Variants in CTNNA2 observed in about 807,000 individuals in gnomAD.
CTNNA2 encodes the protein catenin alpha 2.
In CTNNA2, 42 loss-of-function variants were observed where a neutral mutation model predicts 101.0. That is an observed-to-expected ratio of 0.42 (90% confidence interval 0.32 to 0.54). CTNNA2 has a LOEUF of 0.54. Among genes scored for constraint, CTNNA2 ranks in the 20% least tolerant of loss-of-function variants. The pLI is 0.14. For missense variants in CTNNA2, 871 were observed against 1,223.1 expected, an observed-to-expected ratio of 0.71 and a Z score of 4.29; for synonymous variants, 450 against 456.4, an observed-to-expected ratio of 0.99 and a Z score of 0.18.
intron 2 of CTNNA2, among the ~76,000 whole-genome samples, chr2:79,289,808 C>T (rs1675745156): frequency 6.6e-6 from 1 of 152,136 alleles, no homozygotes. Flanking sequence ...CCTTAATGTT[C>T]CTGTTTACCA....
rs373994069 is a variant in CTNNA2 at position 79,336,107 on chromosome 2, T to C, written c.-318+23311T>C. Among the ~76,000 whole-genome samples, 131 of 152,342 alleles carry C rather than the reference T, an allele frequency of 8.6e-4. 3 individuals are homozygous for C. The South Asian group carries it at 0.027, about 31-fold the overall frequency. On this transcript the variant is annotated intron_variant, in intron 3 of 21. Coordinates refer to the CTNNA2 transcript ENST00000466387. ...TTTTTCTTTTTAGTCATGAGGAATATGCATTATGTTTAGAATGGAATTAGG... is the reference window on the plus strand; with the variant it reads ...TTTTTCTTTTTAGTCATGAGGAATACGCATTATGTTTAGAATGGAATTAGG...
chr2:80,362,365 T>C (rs1019238217), intron 7 of CTNNA2, among the ~76,000 whole-genome samples: 2 of 152,074 alleles, frequency 1.3e-5, no homozygotes, highest in Non-Finnish European at 2.9e-5. Flanking sequence ...GAGAGGTCTC[T>C]TCTCTATTTT....
intron 2 of CTNNA2, among the ~76,000 whole-genome samples, chr2:79,291,955 A>G (rs1356553653): frequency 6.6e-6 from 1 of 151,860 alleles, no homozygotes; most frequent in East Asian, 1.9e-4. Context: ...ATTGAGGGGG[A>G]TGTTTGCAAG....
chr2:80,560,576 G>A (rs568761185), intron 12 of CTNNA2, among the ~76,000 whole-genome samples: 1 of 152,204 alleles, frequency 6.6e-6, no homozygotes, highest in Admixed American at 6.5e-5. Flanking sequence ...TGAGTCCCCT[G>A]TATAAACCCT....
chr2:79,466,026 C>T (rs375561151), intron 4 of CTNNA2, among the ~76,000 whole-genome samples: 6 of 152,186 alleles, frequency 3.9e-5, no homozygotes, highest in East Asian at 1.9e-4. Context: ...TGGGGCTTGT[C>T]GGACAGTGGG....
At chr2:79,514,406 G>A (rs1671695832) in intron 1 of CTNNA2, among the ~76,000 whole-genome samples, 2 of 152,322 alleles carry the variant, frequency 1.3e-5, no homozygotes, top group Middle Eastern at 3.4e-3. Context: ...GAAACATGCT[G>A]TGTGATTCTG....
At chr2:79,239,152 G>A (rs562119601) in intron 2 of CTNNA2, among the ~76,000 whole-genome samples, 2 of 152,026 alleles carry the variant, frequency 1.3e-5, no homozygotes, top group Admixed American at 6.6e-5. Context: ...AGCTCATATA[G>A]CCAAGACAAT....
intron 7 of CTNNA2, among the ~76,000 whole-genome samples, chr2:80,186,586 T>G (rs749253748): frequency 6.6e-6 from 1 of 152,220 alleles, no homozygotes; most frequent in Non-Finnish European, 1.5e-5. Flanking sequence ...TTTGTTTGTA[T>G]TTTAGCCTGA....
chr2:79,987,004 T>G (rs1691813654), intron 7 of CTNNA2, among the ~76,000 whole-genome samples: 2 of 152,186 alleles, frequency 1.3e-5, no homozygotes, highest in African/African-American at 4.8e-5. Flanking sequence ...GTCTGGGGGT[T>G]GATTGGGCCT....
chr2:79,522,015 G>T (rs1027408112), intron 1 of CTNNA2, among the ~76,000 whole-genome samples: 1 of 152,184 alleles, frequency 6.6e-6, no homozygotes, highest in African/African-American at 2.4e-5. Flanking sequence ...AGGCAAATTC[G>T]ATTGCAGTTT....
intron 1 of CTNNA2, among the ~76,000 whole-genome samples, chr2:79,622,605 C>A (rs1169670884): frequency 6.6e-6 from 1 of 152,210 alleles, no homozygotes; most frequent in African/African-American, 2.4e-5. Context: ...AACCCCACTT[C>A]ACACCACTTC....
At chr2:79,195,976 AC>A in intron 1 of CTNNA2, 1 of 408,816 alleles carries the variant, frequency 2.4e-6, no homozygotes, top group South Asian at 1.8e-5. Context: ...TCGATCTGTC[AC>A]CCAGGCTGGA....
intron 2 of CTNNA2, among the ~76,000 whole-genome samples, chr2:79,689,852 A>G (rs1684174329): frequency 6.6e-6 from 1 of 152,066 alleles, no homozygotes. Context: ...TTTTAACAGT[A>G]GATTAGACAA....
chr2:80,399,075 A>ATTTTTT (rs375797544), intron 8 of CTNNA2, among the ~76,000 whole-genome samples: 5 of 137,530 alleles, frequency 3.6e-5, no homozygotes, highest in African/African-American at 1.1e-4. Context: ...CGCCTGGCTA[A>ATTTTTT]TTTTTTTTTT....
chr2:79,912,209 C>T (rs568245957), intron 7 of CTNNA2, among the ~76,000 whole-genome samples: 62 of 152,344 alleles, frequency 4.1e-4, no homozygotes, highest in Non-Finnish European at 7.8e-4. Context: ...ATCTCCTCAT[C>T]AGTCCCAGAT....
chr2:79,706,252 T>C (rs544047801), intron 2 of CTNNA2, among the ~76,000 whole-genome samples: 1 of 150,670 alleles, frequency 6.6e-6, no homozygotes, highest in Non-Finnish European at 1.5e-5. Flanking sequence ...AGTCCCAGCT[T>C]CTCGGGAGGC....
intron 2 of CTNNA2, among the ~76,000 whole-genome samples, chr2:79,213,931 C>T (rs1674211829): frequency 1.3e-5 from 2 of 152,168 alleles, no homozygotes; most frequent in Non-Finnish European, 2.9e-5. Flanking sequence ...GCAGCCGCTG[C>T]ACGCAGACAT....
intron 7 of CTNNA2, among the ~76,000 whole-genome samples, chr2:80,179,440 C>T (rs1342437997): frequency 2.0e-5 from 3 of 152,072 alleles, no homozygotes; most frequent in Non-Finnish European, 4.4e-5. Flanking sequence ...GTGGCATGAT[C>T]TCAGCTCACT....
At chr2:79,778,160 G>A (rs1246544237) in intron 3 of CTNNA2, among the ~76,000 whole-genome samples, 1 of 151,818 alleles carries the variant, frequency 6.6e-6, no homozygotes, top group African/African-American at 2.4e-5. Flanking sequence ...AGGGCAACAT[G>A]GTGAAACCCT....
Sources: gnomAD v4.1 joint callset for allele counts (sites outside exome capture counted in the v4.1 genomes callset) on GRCh38, gnomAD v4.1.1 for gene constraint, MANE v1.5 for transcripts, NCBI Gene and HGNC (gene_info 2026-07-23, HGNC 2026-07-21) for gene names.